Variants in SORCS1 observed in about 807,000 individuals in gnomAD.
SORCS1 encodes the protein VPS10 domain-containing receptor SorCS1.
SORCS1 carries 60 observed loss-of-function variants against 146.1 expected under a neutral mutation model. The observed-to-expected ratio is 0.41, with a 90% CI of 0.33 to 0.51. The LOEUF (loss-of-function observed/expected upper bound fraction) is 0.51, where lower values mean the gene tolerates loss of function less well. Ranked by LOEUF, SORCS1 falls within the 20% of genes least tolerant of loss-of-function variation. The pLI is 0.21. For synonymous variants in SORCS1, 637 were observed against 584.0 expected (o/e 1.09, Z -1.31); for missense variants, 1,352 against 1,487.6 (o/e 0.91, Z 1.50).
chr10:106,956,201 CAA>C (rs1317252931), intron 2 of SORCS1, among the ~76,000 whole-genome samples: 1 of 152,070 alleles, frequency 6.6e-6, no homozygotes, highest in Non-Finnish European at 1.5e-5. Flanking sequence ...GATTCTTCTG[CAA>C]AGAGACTTCC....
intron 1 of SORCS1, among the ~76,000 whole-genome samples, chr10:107,068,326 GCTT>G (rs1962090924): frequency 6.6e-6 from 1 of 152,106 alleles, no homozygotes; most frequent in African/African-American, 2.4e-5. Flanking sequence ...CACACTACCT[GCTT>G]GTATTTGGTG....
chr10:106,742,756 G>A (rs1002870002), intron 5 of SORCS1, among the ~76,000 whole-genome samples: 2 of 152,154 alleles, frequency 1.3e-5, no homozygotes, highest in African/African-American at 2.4e-5. Context: ...CCCATGGCAC[G>A]AAGTATGGTA....
intron 24 of SORCS1, among the ~76,000 whole-genome samples, chr10:106,581,486 A>C (rs1416590879): frequency 6.6e-6 from 1 of 152,204 alleles, no homozygotes; most frequent in East Asian, 1.9e-4. Flanking sequence ...CTAAGTTTTA[A>C]AAGGAGCAGT....
Position 107,026,849 on chromosome 10 carries a change from G to A in SORCS1, c.559-70269C>T, listed in dbSNP as rs368884433. On this transcript the variant is annotated intron_variant, in intron 1 of 25. Coordinates refer to ENST00000263054, the MANE Select transcript of SORCS1 (RefSeq NM_052918.5). ...TCTGGGTATAAACCAGTTAAAGAGC[G>A]GATTGTCAACAAACCTGAAACCTAG... Among the ~76,000 whole-genome samples the A allele has an allele frequency of 2.1e-4, 32 of 151,676 alleles. No individual in the cohort carries two copies. The East Asian group carries it at 4.1e-3, about 19-fold the overall frequency.
chr10:106,782,312 C>T (rs979988473), intron 3 of SORCS1, among the ~76,000 whole-genome samples: 3 of 152,222 alleles, frequency 2.0e-5, no homozygotes, highest in African/African-American at 7.2e-5. Context: ...GTCGCCCCGG[C>T]TGGAGTGCAG....
intron 1 of SORCS1, among the ~76,000 whole-genome samples, chr10:106,963,357 C>T (rs1248430747): frequency 3.3e-5 from 5 of 151,854 alleles, no homozygotes; most frequent in African/African-American, 4.8e-5. Context: ...CCTTGTGATC[C>T]GCCCACCTCG....
the SORCS1 span, among the ~76,000 whole-genome samples, chr10:107,176,940 T>C: frequency 6.6e-6 from 1 of 152,166 alleles, no homozygotes; most frequent in African/African-American, 2.4e-5. Flanking sequence ...TTGTACTTAC[T>C]AAGAGAGGTG....
intron 2 of SORCS1, among the ~76,000 whole-genome samples, chr10:106,910,619 A>G (rs1952107023): frequency 6.6e-6 from 1 of 152,144 alleles, no homozygotes; most frequent in South Asian, 2.1e-4. Context: ...TAGTAATTTG[A>G]CAGTTGTTTT....
At chr10:107,036,360 T>C (rs764389039) in intron 1 of SORCS1, among the ~76,000 whole-genome samples, 76 of 152,200 alleles carry the variant, frequency 5.0e-4, no homozygotes, top group Non-Finnish European at 9.1e-4. Context: ...CATCTGCAGA[T>C]TTTGGTATTC....
chr10:106,987,505 G>A (rs148505992), intron 1 of SORCS1, among the ~76,000 whole-genome samples: 41 of 152,250 alleles, frequency 2.7e-4, no homozygotes, highest in Middle Eastern at 3.4e-3. Flanking sequence ...GAAGCCCCAC[G>A]TTCTACCCAT....
chr10:106,784,462 T>C (rs1396645916), intron 3 of SORCS1, among the ~76,000 whole-genome samples: 1 of 152,074 alleles, frequency 6.6e-6, no homozygotes, highest in African/African-American at 2.4e-5. Context: ...CAAAGAATGT[T>C]TTTATTATTG....
intron 2 of SORCS1, among the ~76,000 whole-genome samples, chr10:106,835,886 T>C (rs1948757945): frequency 6.6e-6 from 1 of 151,884 alleles, no homozygotes; most frequent in South Asian, 2.1e-4. Context: ...ATGCCTGTAA[T>C]CCCAGCTACT....
chr10:107,102,983 A>G (rs4918282), intron 1 of SORCS1, among the ~76,000 whole-genome samples: 89,778 of 151,902 alleles, frequency 0.59, 26,607 homozygotes, highest in South Asian at 0.66. Context: ...GCACCAAAAT[A>G]ATGCAGATAA....
rs116893272 is a variant in SORCS1, at chr10:107,146,882, T to C, written c.558+17087A>G. 1.2e-4 allele frequency among the ~76,000 whole-genome samples: 18 copies of C among 152,300 alleles called. No homozygotes were observed. The East Asian group carries it at 3.5e-3, about 29-fold the overall frequency. On this transcript the variant is annotated intron_variant, in intron 1 of 25. Transcript: ENST00000263054. ...TGACTACTTCCTATTGTACTGGGAA[T>C]AGTACAATTCCTTGTACTCATGTCT... is the stretch of plus-strand genomic sequence containing the variant.
At chr10:106,670,885 G>A (rs2135468765) in intron 16 of SORCS1, among the ~76,000 whole-genome samples, 1 of 151,946 alleles carries the variant, frequency 6.6e-6, no homozygotes, top group East Asian at 1.9e-4. Context: ...GTAGGGACGG[G>A]GTTTTACCAT....
intron 3 of SORCS1, among the ~76,000 whole-genome samples, chr10:106,788,164 T>C (rs1946145727): frequency 6.6e-6 from 1 of 152,168 alleles, no homozygotes; most frequent in South Asian, 2.1e-4. Context: ...ACTCACTCAC[T>C]ATCATGAGAA....
intron 2 of SORCS1, among the ~76,000 whole-genome samples, chr10:106,902,772 A>G (rs1951763196): frequency 2.0e-5 from 3 of 152,244 alleles, no homozygotes; most frequent in Admixed American, 2.0e-4. Flanking sequence ...ATAACAAGAC[A>G]CCAGGGATTA....
intron 1 of SORCS1, among the ~76,000 whole-genome samples, chr10:107,011,319 G>A (rs950014130): frequency 1.3e-5 from 2 of 152,168 alleles, no homozygotes; most frequent in African/African-American, 4.8e-5. Context: ...TCCTATGGGG[G>A]AATAATTGAA....
intron 2 of SORCS1, among the ~76,000 whole-genome samples, chr10:106,842,175 G>A (rs949633899): frequency 1.3e-5 from 2 of 152,056 alleles, no homozygotes; most frequent in East Asian, 1.9e-4. Flanking sequence ...AAAGACATAC[G>A]AGGTTTAACA....
Sources: allele counts gnomAD v4.1 joint callset (sites outside exome capture counted in the v4.1 genomes callset), GRCh38; gene constraint gnomAD v4.1.1; transcripts MANE v1.5; gene names NCBI Gene and HGNC (gene_info 2026-07-23, HGNC 2026-07-21).